Variants in KCMF1 observed in about 807,000 individuals in gnomAD.
KCMF1 encodes the protein potassium channel modulatory factor 1.
A neutral mutation model predicts 41.1 loss-of-function variants in KCMF1; 3 were observed. That is an observed-to-expected ratio of 0.07 (90% CI 0.03 to 0.19). KCMF1 has a LOEUF of 0.19. KCMF1 is among the 10% of genes least tolerant of loss of function. The pLI is 1.00. For synonymous variants in KCMF1, 142 were observed against 164.5 expected (o/e 0.86, Z 1.04); for missense variants, 286 against 488.9 (o/e 0.58, Z 3.91).
At chr2:85,000,299 G>GT (rs1674296539) in intron 1 of KCMF1, among the ~76,000 whole-genome samples, 1 of 151,992 alleles carries the variant, frequency 6.6e-6, no homozygotes, top group South Asian at 2.1e-4. Flanking sequence ...CTAATTTCGT[G>GT]TTTTTAGTAG....
chr2:85,051,513 A>G (rs1475006441), intron 6 of KCMF1, among the ~76,000 whole-genome samples: 1 of 151,948 alleles, frequency 6.6e-6, no homozygotes, highest in Non-Finnish European at 1.5e-5. Flanking sequence ...CTCTCAGAGC[A>G]TGGTATGAGT....
At chr2:84,972,164 A>G (rs1406588620) in intron 1 of KCMF1, 1 of 152,260 alleles carries the variant, frequency 6.6e-6, no homozygotes, top group Non-Finnish European at 1.5e-5. Context: ...CAGGCGGAGC[A>G]GGGCTCGCTC....
chr2:84,993,249 T>A (rs1397553064), intron 1 of KCMF1, among the ~76,000 whole-genome samples: 2 of 151,464 alleles, frequency 1.3e-5, no homozygotes, highest in Non-Finnish European at 2.9e-5. Context: ...CCAAAGACAG[T>A]ATCTTTGCTT....
At chr2:85,036,998 C>A (rs534390474) in intron 3 of KCMF1, among the ~76,000 whole-genome samples, 21 of 151,260 alleles carry the variant, frequency 1.4e-4, no homozygotes, top group African/African-American at 2.7e-4. Flanking sequence ...CCATGCCCCC[C>A]CATCCCGCCC....
chr2:85,037,044 C>T (rs1242711590), intron 3 of KCMF1, among the ~76,000 whole-genome samples: 3 of 144,426 alleles, frequency 2.1e-5, no homozygotes, highest in Admixed American at 7.0e-5. Flanking sequence ...TGTTTACACT[C>T]TGGCATACCT....
chr2:85,031,582 G>C (rs1298172737), intron 2 of KCMF1, among the ~76,000 whole-genome samples: 1 of 152,180 alleles, frequency 6.6e-6, no homozygotes, highest in East Asian at 1.9e-4. Context: ...TTCTGAGCAC[G>C]TTTAATGTAG....
At chr2:84,985,291 A>G (rs972055155) in intron 1 of KCMF1, among the ~76,000 whole-genome samples, 1 of 152,118 alleles carries the variant, frequency 6.6e-6, no homozygotes, top group Admixed American at 6.6e-5. Flanking sequence ...TGAGAAACAC[A>G]TTTCGGAAGC....
At chr2:85,021,360 A>C (rs575554098) in intron 1 of KCMF1, among the ~76,000 whole-genome samples, 22 of 152,350 alleles carry the variant, frequency 1.4e-4, no homozygotes, top group African/African-American at 4.6e-4. Context: ...GCGGTGGCTC[A>C]CGCGTGTAAT....
chr2:84,991,324 G>A (rs991994329), intron 1 of KCMF1, among the ~76,000 whole-genome samples: 2 of 152,214 alleles, frequency 1.3e-5, no homozygotes, highest in South Asian at 2.1e-4. Flanking sequence ...AATTAGGGAT[G>A]TCTATTAGAT....
chr2:85,013,899 G>A (rs1574024746), intron 1 of KCMF1: 1 of 152,288 alleles, frequency 6.6e-6, no homozygotes, highest in African/African-American at 2.4e-5. Flanking sequence ...TGTTTGAAAT[G>A]ACATTATTCT....
chr2:84,998,341 C>T lies in KCMF1; in HGVS notation c.16+26874C>T, dbSNP rs61142751. Among the ~76,000 whole-genome samples, 351 of 152,124 alleles carry T rather than the reference C, an allele frequency of 2.3e-3. 3 individuals are homozygous for T. Among genetic ancestry groups the T allele is most frequent in the African/African-American group, 8.1e-3 (335 of 41,502 alleles). The stretch of plus-strand genomic sequence containing the variant: ...AACTCCTGACCTCAGGTGATCCACC[C>T]GCTTTGGCCTCCCAAACTGCTGGGA... On this transcript the variant is annotated intron_variant, in intron 1 of 6. Coordinates refer to ENST00000409785, the MANE Select transcript of KCMF1 (RefSeq NM_020122.5).
chr2:85,033,393 C>T (rs1323413336), intron 2 of KCMF1, among the ~76,000 whole-genome samples: 1 of 152,018 alleles, frequency 6.6e-6, no homozygotes, highest in African/African-American at 2.4e-5. Context: ...ATAAGAAAAT[C>T]CTTGAAATTA....
At position 84,977,497 on chromosome 2, in the gene KCMF1, T is replaced by C. The variant is rs138695626; in HGVS notation, c.16+6030T>C. Reference sequence around the variant, plus strand: ...CATGCTGCGCACCAGCATAGCCCGCTGCAGCATTGACCTCGCAGGCTCAAA... The same window carrying C: ...CATGCTGCGCACCAGCATAGCCCGCCGCAGCATTGACCTCGCAGGCTCAAA... On this transcript the variant is annotated intron_variant, in intron 1 of 6. Transcript: ENST00000409785. Among the ~76,000 whole-genome samples, 26 of 152,318 alleles carry C rather than the reference T, an allele frequency of 1.7e-4. No homozygotes were observed. The East Asian group carries it at 5.0e-3, about 29-fold the overall frequency.
chr2:85,006,446 G>A (rs983876701), intron 1 of KCMF1, among the ~76,000 whole-genome samples: 1 of 151,168 alleles, frequency 6.6e-6, no homozygotes, highest in Non-Finnish European at 1.5e-5. Context: ...GACTACAGGC[G>A]CCCGCCACCA....
At chr2:85,042,323 ATGTT>A (rs1484271544) in intron 3 of KCMF1, among the ~76,000 whole-genome samples, 9 of 152,116 alleles carry the variant, frequency 5.9e-5, no homozygotes, top group Non-Finnish European at 1.3e-4. Flanking sequence ...ATGGAAAGTT[ATGTT>A]TGTTTGGGCT....
chr2:84,989,286 G>C (rs1673980082), intron 1 of KCMF1, among the ~76,000 whole-genome samples: 1 of 152,146 alleles, frequency 6.6e-6, no homozygotes, highest in African/African-American at 2.4e-5. Flanking sequence ...AGATACAGAG[G>C]CTCCATACTT....
intron 1 of KCMF1, among the ~76,000 whole-genome samples, chr2:84,978,953 A>G (rs1235154678): frequency 6.6e-6 from 1 of 151,914 alleles, no homozygotes; most frequent in Non-Finnish European, 1.5e-5. Flanking sequence ...ACCTCAGGTG[A>G]TCTGCCCACC....
chr2:85,032,986 G>C (rs1011623485), intron 2 of KCMF1, among the ~76,000 whole-genome samples: 1 of 152,162 alleles, frequency 6.6e-6, no homozygotes, highest in Non-Finnish European at 1.5e-5. Context: ...CACTTGTCTT[G>C]TTCTGATCTT....
In KCMF1 at chr2:85,024,553, T is replaced by TGAGAGA. The variant is rs377478206; in HGVS notation, c.17-3310_17-3305dup. Among the ~76,000 whole-genome samples, 680 of 141,716 alleles carry TGAGAGA rather than the reference T, an allele frequency of 4.8e-3. 10 individuals are homozygous for TGAGAGA. The highest frequency in any genetic ancestry group is 0.041 in the Admixed American group (575 of 13,894). The allele number at this position is 141,716 out of a possible 152,430, so 93.0% of individuals were successfully genotyped here. A position where few individuals can be genotyped will look rare whatever the true frequency, so the allele number is the denominator to read the frequency against. On this transcript the variant is annotated intron_variant, in intron 1 of 6. Transcript: ENST00000409785. The stretch of plus-strand genomic sequence containing the variant: ...ATCTCTTACTTTTTGATTTGGAGAG[T>TGAGAGA]GAGAGAGAGAGAGAGAGAGAGAGAG...
Sources: allele counts gnomAD v4.1 joint callset (sites outside exome capture counted in the v4.1 genomes callset), GRCh38; gene constraint gnomAD v4.1.1; transcripts MANE v1.5; gene names NCBI Gene and HGNC (gene_info 2026-07-23, HGNC 2026-07-21).